Variants in NLGN4X observed in about 807,000 individuals in gnomAD.
NLGN4X encodes the protein neuroligin 4 X-linked, also known as neuroligin-4, X-linked.
A neutral mutation model predicts 40.3 loss-of-function variants in NLGN4X; 3 were observed. The ratio of observed to expected loss-of-function variants is 0.07; its 90% confidence interval spans 0.03 to 0.19. The LOEUF is 0.19. Ranked by LOEUF, NLGN4X falls within the 10% of genes least tolerant of loss-of-function variation. The probability of loss-of-function intolerance (pLI) is 1.00; values close to 1 mark genes in which losing one functional copy is unlikely to be tolerated. For missense variants in NLGN4X, 382 were observed against 708.3 expected (o/e 0.54, Z 5.23); for synonymous variants, 270 against 306.8 (o/e 0.88, Z 1.25).
At chrX:6,098,667 G>A (rs1268037900) in intron 2 of NLGN4X, among the ~76,000 whole-genome samples, 2 of 111,530 alleles carry the variant, frequency 1.8e-5, no homozygotes, top group African/African-American at 6.5e-5. Flanking sequence ...ACTCCCCATT[G>A]CCGCTGTTCT....
intron 1 of NLGN4X, among the ~76,000 whole-genome samples, chrX:6,168,405 C>A (rs969108517): frequency 8.9e-6 from 1 of 112,505 alleles, no homozygotes; most frequent in Non-Finnish European, 1.9e-5. Flanking sequence ...AAACAAAAAA[C>A]GTAAAATAAT....
intron 2 of NLGN4X, among the ~76,000 whole-genome samples, chrX:6,097,098 C>T (rs2038794907): frequency 9.0e-6 from 1 of 110,896 alleles, no homozygotes; most frequent in Non-Finnish European, 1.9e-5. Flanking sequence ...ATTAGGTGTA[C>T]ACAAATTAAC....
chrX:6,031,417 T>C (rs1458432932), intron 2 of NLGN4X, among the ~76,000 whole-genome samples: 1 of 111,207 alleles, frequency 9.0e-6, no homozygotes, highest in Non-Finnish European at 1.9e-5. Flanking sequence ...CAGTGACAGC[T>C]CTATGAGCTC....
chrX:5,961,051 G>A (rs1036506773), intron 3 of NLGN4X, among the ~76,000 whole-genome samples: 1 of 109,097 alleles, frequency 9.2e-6, no homozygotes. Flanking sequence ...TATTTGAGAC[G>A]GAGTCTCCCT....
intron 2 of NLGN4X, among the ~76,000 whole-genome samples, chrX:6,116,502 G>A (rs1177915756): frequency 5.2e-5 from 4 of 76,944 alleles, no homozygotes; most frequent in Non-Finnish European, 2.3e-5. Context: ...TGCAGCCCCC[G>A]CCTCCCAGGT....
intron 2 of NLGN4X, among the ~76,000 whole-genome samples, chrX:6,090,574 C>G (rs1235728944): frequency 1.8e-5 from 2 of 111,647 alleles, no homozygotes. Context: ...TTTTCATCAA[C>G]AGTAAGATTT....
At chrX:6,147,154 A>G (rs1435175468) in intron 2 of NLGN4X, among the ~76,000 whole-genome samples, 1 of 111,386 alleles carries the variant, frequency 9.0e-6, no homozygotes, top group Non-Finnish European at 1.9e-5. Context: ...CATGATGAAG[A>G]ATGGAAGGGC....
chrX:5,941,178 GGGGT>G (rs367569870), intron 3 of NLGN4X, among the ~76,000 whole-genome samples: 4,078 of 51,917 alleles, frequency 0.079, 162 homozygotes, highest in African/African-American at 0.18. Flanking sequence ...CGTATGCTAG[GGGGT>G]GTGTGTGTGT....
chrX:6,215,885 T>C lies in NLGN4X; in HGVS notation c.-306+12656A>G, dbSNP rs758179711. 2.6e-4 allele frequency among the ~76,000 whole-genome samples: 26 copies of C among 101,570 alleles called. No homozygotes were observed. The East Asian group carries it at 7.2e-3, about 28-fold the overall frequency. The allele number at this position is 101,570 out of a possible 115,157, so 88.2% of individuals were successfully genotyped here. A position where few individuals can be genotyped will look rare whatever the true frequency, so the allele number is the denominator to read the frequency against. ...AGAGTAAATACTCAAACACTTTTTT[T>C]TTTTTTTTTGAGAGAGAGTCTTGCT... On this transcript the variant is annotated intron_variant, in intron 1 of 5. Transcript: ENST00000381095.
intron 3 of NLGN4X, among the ~76,000 whole-genome samples, chrX:5,987,332 G>A (rs765339140): frequency 8.9e-6 from 1 of 112,727 alleles, no homozygotes; most frequent in African/African-American, 3.2e-5. Context: ...GCATGGAAAT[G>A]AGTAGTAAAA....
At chrX:6,177,690 C>T (rs1316271411) in intron 1 of NLGN4X, among the ~76,000 whole-genome samples, 1 of 111,474 alleles carries the variant, frequency 9.0e-6, no homozygotes, top group African/African-American at 3.3e-5. Context: ...GAGTTCAAAA[C>T]TCAACATTAA....
intron 2 of NLGN4X, among the ~76,000 whole-genome samples, chrX:6,051,890 G>A (rs2037502331): frequency 9.0e-6 from 1 of 111,088 alleles, no homozygotes; most frequent in South Asian, 3.9e-4. Flanking sequence ...CATTACCTAG[G>A]AAATAGGATG....
At chrX:5,994,156 G>A (rs1017365517) in intron 3 of NLGN4X, among the ~76,000 whole-genome samples, 3 of 112,003 alleles carry the variant, frequency 2.7e-5, no homozygotes, top group Non-Finnish European at 5.6e-5. Flanking sequence ...TGTAATGGAG[G>A]AGAAATTGCA....
chrX:6,144,194 G>A (rs2040002930), intron 2 of NLGN4X, among the ~76,000 whole-genome samples: 1 of 111,179 alleles, frequency 9.0e-6, no homozygotes, highest in Non-Finnish European at 1.9e-5. Context: ...GAATTGATAT[G>A]ATCTCCTTAG....
intron 2 of NLGN4X, among the ~76,000 whole-genome samples, chrX:6,099,635 G>GC (rs1250820679): frequency 1.8e-5 from 2 of 112,168 alleles, no homozygotes; most frequent in Non-Finnish European, 1.9e-5. Context: ...CACAGCAAGT[G>GC]CTCATTAAAT....
intron 1 of NLGN4X, among the ~76,000 whole-genome samples, chrX:6,167,069 CAAAAA>C (rs869227439): frequency 8.4e-5 from 5 of 59,260 alleles, no homozygotes; most frequent in African/African-American, 3.0e-4. Context: ...GAAACTGTCT[CAAAAA>C]AAAAAAAAAA....
chrX:6,091,132 G>A (rs1034087383), intron 2 of NLGN4X, among the ~76,000 whole-genome samples: 1 of 110,274 alleles, frequency 9.1e-6, no homozygotes, highest in Non-Finnish European at 1.9e-5. Context: ...AACAGAGGGA[G>A]AGAGTAAGAG....
At chrX:6,185,059 T>C (rs186442703) in intron 1 of NLGN4X, among the ~76,000 whole-genome samples, 136 of 112,560 alleles carry the variant, frequency 1.2e-3, no homozygotes, top group Non-Finnish European at 2.4e-3. Context: ...TTGAGAACAC[T>C]GGCCTGCATC....
chrX:6,084,813 A>G (rs1290689111), intron 2 of NLGN4X, among the ~76,000 whole-genome samples: 1 of 110,718 alleles, frequency 9.0e-6, no homozygotes, highest in Non-Finnish European at 1.9e-5. Context: ...ATGATGTTCA[A>G]GAAGGTCTTG....
Sources: allele counts gnomAD v4.1 joint callset (sites outside exome capture counted in the v4.1 genomes callset), GRCh38; gene constraint gnomAD v4.1.1; transcripts MANE v1.5; gene names NCBI Gene and HGNC (gene_info 2026-07-23, HGNC 2026-07-21).